U2SURP: variants seen among roughly 807,000 people sequenced by gnomAD.
U2SURP encodes the protein U2 snRNP-associated SURP motif-containing protein.
A neutral mutation model predicts 144.9 loss-of-function variants in U2SURP; 9 were observed. That is an observed-to-expected ratio of 0.06 (90% CI 0.04 to 0.11). The LOEUF is 0.11. Among genes scored for constraint, U2SURP ranks in the 10% least tolerant of loss-of-function variants. The pLI is 1.00. For missense variants in U2SURP, 724 were observed against 1,226.7 expected (o/e 0.59, Z 6.12); for synonymous variants, 408 against 396.8 (o/e 1.03, Z -0.33).
intron 8 of U2SURP, 55 bp downstream of exon 8, chr3:143,020,748 C>A (rs1001785137): frequency 2.2e-6 from 3 of 1,359,768 alleles, no homozygotes; most frequent in South Asian, 1.2e-5. Context: ...GTAGTTCCCA[C>A]CTTATCCGTG....
intron 24 of U2SURP, among the ~76,000 whole-genome samples, chr3:143,047,869 G>T (rs113924599): frequency 1.2e-5 from 1 of 84,038 alleles, no homozygotes; most frequent in African/African-American, 5.2e-5. Context: ...GCGGCTGGCC[G>T]GGCGGGGGGC....
At chr3:143,036,859 T>C (rs1440959902) in intron 20 of U2SURP, 1 of 304,098 alleles carries the variant, frequency 3.3e-6, no homozygotes, top group African/African-American at 2.1e-5. Flanking sequence ...ATTGTTGTGA[T>C]GATCTGATTT....
intron 1 of U2SURP, among the ~76,000 whole-genome samples, chr3:143,007,418 C>T (rs1472834915): frequency 6.0e-5 from 9 of 151,046 alleles, no homozygotes; most frequent in Admixed American, 6.0e-4. Flanking sequence ...CCACTCCCTC[C>T]AGCAGCTTTT....
At chr3:143,037,008 G>A (rs752785241) in intron 20 of U2SURP, 171 bp from the exon 21 acceptor site, 1 of 634,248 alleles carries the variant, frequency 1.6e-6, no homozygotes, top group Non-Finnish European at 2.6e-6. Flanking sequence ...TTAGATAAAT[G>A]CACAACTGAC....
intron 3 of U2SURP, 104 bp downstream of exon 3, chr3:143,012,457 C>A: frequency 9.0e-7 from 1 of 1,113,818 alleles, no homozygotes; most frequent in Non-Finnish European, 1.2e-6. Flanking sequence ...GTATGTGTTT[C>A]ATCTTATTCT....
chr3:143,049,149 C>T (rs2108315199), intron 24 of U2SURP, among the ~76,000 whole-genome samples: 1 of 150,002 alleles, frequency 6.7e-6, no homozygotes, highest in South Asian at 2.1e-4. Context: ...GCCTGTAATC[C>T]CAGCTACTTG....
chr3:143,052,335 C>T (rs966567536), intron 25 of U2SURP, among the ~76,000 whole-genome samples: 4 of 151,964 alleles, frequency 2.6e-5, no homozygotes, highest in African/African-American at 9.7e-5. Flanking sequence ...CGGAGGTTGT[C>T]GTGAGCTGAG....
chr3:143,042,239 A>G (rs1278970508), intron 23 of U2SURP, among the ~76,000 whole-genome samples: 1 of 152,052 alleles, frequency 6.6e-6, no homozygotes, highest in Non-Finnish European at 1.5e-5. Flanking sequence ...TTTCAGAATC[A>G]ACTGAAATGT....
intron 23 of U2SURP, among the ~76,000 whole-genome samples, chr3:143,040,396 GA>G (rs1036359036): frequency 1.3e-5 from 2 of 151,674 alleles, no homozygotes; most frequent in Non-Finnish European, 3.0e-5. Flanking sequence ...ACAAAGCAAG[GA>G]AAAAAAGCTT....
chr3:143,012,353 A>G lies in U2SURP; in HGVS notation c.222A>G (p.Arg74=). Reference sequence around the variant, plus strand: ...ATTCTCCTCATCAGAATCTCTCAAGAGTGAGTATAGATAAGATAAGGTAAA... The same window carrying G: ...ATTCTCCTCATCAGAATCTCTCAAGGGTGAGTATAGATAAGATAAGGTAAA... The part of the protein sequence containing the change: ...LCDSPHQNLS[R]PLLENKLKAF... Residue 74 remains arginine, a splice_region_variant and synonymous_variant, in exon 3 of 28, where the codon AGA becomes AGG. Coordinates refer to ENST00000473835, the MANE Select transcript of U2SURP (RefSeq NM_001080415.2). 6.2e-7 allele frequency: 1 copy of G among 1,609,078 alleles called. No homozygotes were observed. Among genetic ancestry groups the G allele is most frequent in the Non-Finnish European group, 8.5e-7 (1 of 1,177,446 alleles).
chr3:143,051,861 A>G (rs1214070775), intron 25 of U2SURP, among the ~76,000 whole-genome samples: 2 of 152,030 alleles, frequency 1.3e-5, no homozygotes, highest in Non-Finnish European at 2.9e-5. Context: ...CAATTTTGTA[A>G]GATTATGAGT....
chr3:143,022,681 T>G lies in U2SURP; in HGVS notation c.1018+19T>G, dbSNP rs1272188095. The G allele has an allele frequency of 1.2e-6, 2 of 1,601,502 alleles. No homozygotes were observed. The highest frequency in any genetic ancestry group is 3.5e-5 in the Admixed American group (2 of 57,398). On this transcript the variant is annotated intron_variant, in intron 11 of 27. Transcript: ENST00000473835. Reference sequence around the variant, plus strand: ...TTGAATGGTAAGAACATTTTTATTATCCATTTATACAATTCAGATATTTCT... The same window carrying G: ...TTGAATGGTAAGAACATTTTTATTAGCCATTTATACAATTCAGATATTTCT...
chr3:143,002,456 TA>T (rs1347513194), intron 1 of U2SURP: 1 of 152,234 alleles, frequency 6.6e-6, no homozygotes, highest in Non-Finnish European at 1.5e-5. Flanking sequence ...AGTTAAGCAT[TA>T]GTACGGTTGG....
chr3:143,043,717 G>GTATATATATATATATA (rs5853088), intron 24 of U2SURP, among the ~76,000 whole-genome samples: 2 of 147,354 alleles, frequency 1.4e-5, no homozygotes, highest in African/African-American at 5.0e-5. Flanking sequence ...TAGATTATAT[G>GTATATATATATATATA]TATATATATA....
intron 4 of U2SURP, 120 bp downstream of exon 4, chr3:143,014,529 C>T (rs1309961405): frequency 5.2e-6 from 3 of 575,864 alleles, no homozygotes; most frequent in Middle Eastern, 6.1e-4. Context: ...TCAGGTCCGC[C>T]TCTGAGTCAA....
chr3:143,017,610 CATACA>C (rs1936434751), intron 6 of U2SURP, among the ~76,000 whole-genome samples: 2 of 151,820 alleles, frequency 1.3e-5, no homozygotes, highest in African/African-American at 2.4e-5. Flanking sequence ...ATATAATTCA[CATACA>C]ATACAATAAA....
chr3:143,025,174 T>C (rs532525444), intron 13 of U2SURP, among the ~76,000 whole-genome samples: 191 of 152,292 alleles, frequency 1.3e-3, no homozygotes, highest in Non-Finnish European at 2.1e-3. Flanking sequence ...TAAAAATAGA[T>C]TTATCAGTTA....
intron 14 of U2SURP, 123 bp from the exon 15 acceptor site, chr3:143,028,217 G>T: frequency 8.7e-7 from 1 of 1,149,618 alleles, no homozygotes; most frequent in South Asian, 1.5e-5. Context: ...TCTCTTCAGG[G>T]ATCTTTGTTT....
rs1388058684 is a variant in U2SURP, at chr3:143,043,248, A to G, written c.2516A>G (p.Glu839Gly). Residue 839 changes from glutamate (E) to glycine (G), a missense_variant, in exon 24 of 28, where the codon GAA becomes GGA. Glu to Gly is a moderately conservative substitution (Grantham distance 98, BLOSUM62 -2). This residue lies in a region of U2SURP where 18 missense variants were observed against 48.8 expected (regional missense o/e 0.37). Transcript: ENST00000473835. ...KFSKYSEMSE[E>G]KRAKLREIEL... ...TCTAAGTACTCTGAAATGAGTGAGG[A>G]AAAACGAGCCAAACTTCGTGAAATT... The G allele has an allele frequency of 2.5e-6, 4 of 1,603,548 alleles. No individual in the cohort carries two copies. The Admixed American group carries it at 6.9e-5, about 27-fold the overall frequency.
Sources: allele counts gnomAD v4.1 joint callset (sites outside exome capture counted in the v4.1 genomes callset), GRCh38; gene constraint gnomAD v4.1.1; regional missense constraint gnomAD v4.1.1; transcripts MANE v1.5; gene names NCBI Gene and HGNC (gene_info 2026-07-23, HGNC 2026-07-21).